The following ACSM6 variants were observed in gnomAD, a reference collection of about 807,000 sequenced individuals.
The protein encoded by ACSM6 is acyl-coenzyme A synthetase ACSM6, mitochondrial.
A neutral mutation model predicts 51.1 loss-of-function variants in ACSM6; 35 were observed. That is an observed-to-expected ratio of 0.69 (90% confidence interval 0.52 to 0.91). The LOEUF is 0.91. ACSM6 is among the 40% of genes least tolerant of loss of function. The pLI, the probability that ACSM6 is intolerant of heterozygous loss-of-function variation, is 0.00. For missense variants in ACSM6, 509 were observed against 584.1 expected (o/e 0.87, Z 1.32); for synonymous variants, 172 against 207.3 (o/e 0.83, Z 1.46).
intron 10 of ACSM6, chr10:95,225,613 T>A: frequency 2.4e-6 from 1 of 423,066 alleles, no homozygotes; most frequent in Non-Finnish European, 4.2e-6. Flanking sequence ...TGATGAGACA[T>A]TTGGGAGTAA....
rs1049306561 is a variant in ACSM6, at chr10:95,225,194, T to C, written c.1201-96T>C. On this transcript the variant is annotated intron_variant, in intron 9 of 10. Transcript: ENST00000341686. Reference sequence around the variant, plus strand: ...CCAAGCACTTTCCTGGCATCTTAAATGGGGGTAGAAAGGCTTAAGTTTAGA... The same window carrying C: ...CCAAGCACTTTCCTGGCATCTTAAACGGGGGTAGAAAGGCTTAAGTTTAGA... 1.8e-5 allele frequency: 16 copies of C among 876,882 alleles called. No individual in the cohort carries two copies. In the Admixed American group the frequency reaches 2.8e-4, roughly 16 times the overall value. 54.3% of individuals were successfully genotyped at this position (876,882 alleles called of 1,614,324 possible).
exon 8 of ACSM6, chr10:95,214,931 A>G: frequency 6.4e-7 from 1 of 1,551,674 alleles, no homozygotes; most frequent in South Asian, 1.2e-5. Context: ...CTGGAAACGC[A>G]TCACTAAGTT....
intron 4 of ACSM6, 64 bp downstream of exon 4, chr10:95,207,479 T>TA (rs746179294): frequency 3.0e-4 from 464 of 1,522,128 alleles, no homozygotes; most frequent in Non-Finnish European, 4.1e-4. Context: ...AAGATGATGA[T>TA]ATATGAGAAA....
intron 7 of ACSM6, among the ~76,000 whole-genome samples, chr10:95,213,280 GA>G (rs968146689): frequency 2.0e-5 from 3 of 150,952 alleles, no homozygotes; most frequent in Non-Finnish European, 3.0e-5. Flanking sequence ...CCATTTTGAA[GA>G]AAAAAAAATG....
chr10:95,227,507 G>A (rs2035050017), intron 10 of ACSM6, among the ~76,000 whole-genome samples: 1 of 152,132 alleles, frequency 6.6e-6, no homozygotes, highest in Non-Finnish European at 1.5e-5. Context: ...AATAATTTCT[G>A]TGAGAGAATA....
intron 6 of ACSM6, among the ~76,000 whole-genome samples, chr10:95,212,646 T>C (rs1404444176): frequency 6.6e-6 from 1 of 152,216 alleles, no homozygotes; most frequent in Non-Finnish European, 1.5e-5. Flanking sequence ...ATTAATATGA[T>C]AGCTCCTATG....
At chr10:95,208,238 A>G (rs1372584404) in intron 4 of ACSM6, among the ~76,000 whole-genome samples, 1 of 152,182 alleles carries the variant, frequency 6.6e-6, no homozygotes, top group Non-Finnish European at 1.5e-5. Flanking sequence ...GTCAAATACC[A>G]TATGTTCTCA....
chr10:95,206,009 G>A (rs959841348), intron 3 of ACSM6, among the ~76,000 whole-genome samples: 2 of 152,140 alleles, frequency 1.3e-5, no homozygotes, highest in African/African-American at 4.8e-5. Flanking sequence ...TTGTTTTGGA[G>A]ATATAATTTA....
intron 4 of ACSM6, among the ~76,000 whole-genome samples, chr10:95,207,656 A>G (rs1159631572): frequency 6.6e-6 from 1 of 152,206 alleles, no homozygotes; most frequent in Non-Finnish European, 1.5e-5. Flanking sequence ...CTGACCTACA[A>G]GTTCCCAGTC....
chr10:95,202,922 G>A lies in ACSM6; in HGVS notation c.403+727G>A, dbSNP rs1419689548. Among the ~76,000 whole-genome samples the A allele has an allele frequency of 4.4e-5, 6 of 137,682 alleles. No individual in the cohort carries two copies. In the East Asian group the frequency reaches 1.2e-3, roughly 28 times the overall value. The allele number at this position is 137,682 out of a possible 152,430, so 90.3% of individuals were successfully genotyped here. On this transcript the variant is annotated intron_variant, in intron 3 of 10. Coordinates refer to ENST00000341686, the Ensembl canonical transcript of ACSM6. ...CCACTGCACTCCAGCCTGGGTGACA[G>A]AGCAAGGCTCTGTCTCAAAAAAAAA... is the stretch of plus-strand genomic sequence containing the variant.
At chr10:95,219,457 T>G (rs2034973636) in intron 8 of ACSM6, among the ~76,000 whole-genome samples, 1 of 152,250 alleles carries the variant, frequency 6.6e-6, no homozygotes, top group Non-Finnish European at 1.5e-5. Flanking sequence ...TATCTACCAC[T>G]GACATTTTCA....
exon 8 of ACSM6, chr10:95,214,928 C>T (rs539677764): frequency 2.6e-6 from 4 of 1,551,568 alleles, no homozygotes; most frequent in East Asian, 4.9e-5. Flanking sequence ...GGACTGGAAA[C>T]GCATCACTAA....
intron 2 of ACSM6, among the ~76,000 whole-genome samples, chr10:95,197,154 T>C (rs1383754302): frequency 1.3e-5 from 2 of 152,202 alleles, no homozygotes; most frequent in Non-Finnish European, 2.9e-5. Context: ...TTTTCATTGT[T>C]TTTCATTTGT....
intron 9 of ACSM6, among the ~76,000 whole-genome samples, chr10:95,221,901 G>A (rs1251225545): frequency 2.0e-5 from 3 of 151,996 alleles, no homozygotes; most frequent in Admixed American, 6.5e-5. Flanking sequence ...CAAGAAATTG[G>A]GTAGAGAAGG....
At chr10:95,205,654 A>G (rs1404184640) in intron 3 of ACSM6, among the ~76,000 whole-genome samples, 2 of 152,216 alleles carry the variant, frequency 1.3e-5, no homozygotes, top group African/African-American at 4.8e-5. Context: ...ACACTTATGA[A>G]AGATAAGTGG....
intron 2 of ACSM6, among the ~76,000 whole-genome samples, chr10:95,199,678 A>C (rs950904385): frequency 3.9e-5 from 6 of 152,224 alleles, no homozygotes; most frequent in Non-Finnish European, 7.3e-5. Context: ...AACCCCATCA[A>C]AAAGTGGGCA....
At position 95,196,935 on chromosome 10, in the gene ACSM6, T is replaced by C. The variant is rs1193698970; in HGVS notation, c.192+2258T>C. ...TAGTTTACAAGTTTTTTTTTGCTAT[T>C]GTAAGCAAGGCTGAAATGAATATCT... On this transcript the variant is annotated intron_variant, in intron 2 of 10. Coordinates refer to ENST00000341686, the Ensembl canonical transcript of ACSM6. Among the ~76,000 whole-genome samples, 8 of 152,352 alleles carry C rather than the reference T, an allele frequency of 5.3e-5. No individual in the cohort carries two copies. The East Asian group carries it at 1.5e-3, about 29-fold the overall frequency.
chr10:95,212,398 C>T (rs770499791), intron 6 of ACSM6, among the ~76,000 whole-genome samples: 14 of 152,170 alleles, frequency 9.2e-5, no homozygotes, highest in Non-Finnish European at 1.3e-4. Context: ...GAAACTGATT[C>T]TCACAGAGGT....
exon 5 of ACSM6, chr10:95,210,683 C>A (rs1442325657): frequency 2.5e-6 from 4 of 1,613,744 alleles, no homozygotes; most frequent in African/African-American, 2.7e-5. Context: ...ACATGAGGAC[C>A]AAAAGCCAAG....
Sources: gnomAD v4.1 joint callset for allele counts (sites outside exome capture counted in the v4.1 genomes callset) on GRCh38, gnomAD v4.1.1 for gene constraint, MANE v1.5 for transcripts, NCBI Gene and HGNC (gene_info 2026-07-23, HGNC 2026-07-21) for gene names.